The following SMIM31 variants were observed in gnomAD, a reference collection of about 807,000 sequenced individuals.
The protein encoded by SMIM31 is human epithelial cell program regulator.
intron 2 of SMIM31, among the ~76,000 whole-genome samples, chr4:164,772,018 G>A (rs1286424985): frequency 2.6e-5 from 4 of 152,114 alleles, no homozygotes; most frequent in Admixed American, 1.3e-4. Flanking sequence ...TTTTTATCAG[G>A]AGCTATATTA....
intron 1 of SMIM31, among the ~76,000 whole-genome samples, chr4:164,754,879 A>ATTTAT (rs367961887): frequency 0.11 from 16,802 of 150,006 alleles, 1,039 homozygotes; most frequent in African/African-American, 0.16. Flanking sequence ...TTAAATAATT[A>ATTTAT]TTTAAGTTTA....
Position 164,758,656 on chromosome 4 carries a change from C to G in SMIM31, c.-26+4245C>G, listed in dbSNP as rs1229049434. 7.3e-5 allele frequency among the ~76,000 whole-genome samples: 7 copies of G among 95,314 alleles called. No homozygotes were observed. In the Admixed American group the frequency reaches 8.3e-4, roughly 11 times the overall value. 62.5% of individuals were successfully genotyped at this position (95,314 alleles called of 152,430 possible). A position where few individuals can be genotyped will look rare whatever the true frequency, so the allele number is the denominator to read the frequency against. ...TTTTTTTTTTTTTTTTTTTTTGAGA[C>G]GGAGTCTCGCTCTGTCCCCCAGGCT... On this transcript the variant is annotated intron_variant, in intron 1 of 2. Transcript: ENST00000507311.
intron 1 of SMIM31, among the ~76,000 whole-genome samples, chr4:164,760,257 A>G (rs904650857): frequency 2.6e-5 from 4 of 152,224 alleles, no homozygotes; most frequent in African/African-American, 9.6e-5. Flanking sequence ...AGTGTTGACT[A>G]GATAGGCAAT....
intron 1 of SMIM31, among the ~76,000 whole-genome samples, chr4:164,760,978 C>A (rs1732642122): frequency 6.6e-6 from 1 of 152,120 alleles, no homozygotes; most frequent in South Asian, 2.1e-4. Flanking sequence ...TGCATGAGAT[C>A]TTTGTCCAGT....
chr4:164,801,652 T>C lies in SMIM31; in HGVS notation c.*458T>C, dbSNP rs369367855. On this transcript the variant is annotated 3_prime_UTR_variant, in exon 3 of 3. Coordinates refer to ENST00000507311, the MANE Select transcript of SMIM31 (RefSeq NM_001352885.1). ...TGTGTTATTGCTTCCGTATCTGAAA[T>C]AGGTGAAAGAGGGAAAAAACACTAT... is the stretch of plus-strand genomic sequence containing the variant. 4.6e-5 allele frequency: 7 copies of C among 152,470 alleles called. No individual in the cohort carries two copies. In the South Asian group the frequency reaches 6.2e-4, roughly 14 times the overall value. 9.4% of individuals were successfully genotyped at this position (152,470 alleles called of 1,614,324 possible).
chr4:164,790,406 A>G (rs1315410997), intron 2 of SMIM31, among the ~76,000 whole-genome samples: 1 of 152,202 alleles, frequency 6.6e-6, no homozygotes, highest in East Asian at 1.9e-4. Flanking sequence ...TAATAAGGTT[A>G]TCTAATAAAT....
At chr4:164,784,920 A>G (rs538384341) in intron 2 of SMIM31, among the ~76,000 whole-genome samples, 2 of 132,240 alleles carry the variant, frequency 1.5e-5, no homozygotes, top group South Asian at 4.7e-4. Context: ...TAATTCCGTG[A>G]GTTGTAAAAA....
At chr4:164,773,007 CCTTGAAAAAGACA>C in intron 2 of SMIM31, among the ~76,000 whole-genome samples, 1 of 112,204 alleles carries the variant, frequency 8.9e-6, no homozygotes. Context: ...CTTCAGATAA[CCTTGAAAAAGACA>C]CTTGGCTTTA....
chr4:164,783,039 G>A (rs1308431907), intron 2 of SMIM31, among the ~76,000 whole-genome samples: 2 of 151,624 alleles, frequency 1.3e-5, no homozygotes, highest in Non-Finnish European at 2.9e-5. Context: ...CCGACACAGT[G>A]AAACCCCATC....
chr4:164,758,842 GT>G (rs1732607671), intron 1 of SMIM31, among the ~76,000 whole-genome samples: 1 of 39,464 alleles, frequency 2.5e-5, no homozygotes, highest in Non-Finnish European at 4.9e-5. Context: ...TTTTTTTTTT[GT>G]ATTTTTAGTA....
At chr4:164,788,381 C>T (rs755900530) in intron 2 of SMIM31, among the ~76,000 whole-genome samples, 16 of 149,650 alleles carry the variant, frequency 1.1e-4, no homozygotes, top group Admixed American at 6.7e-5. Flanking sequence ...AATCACCAAA[C>T]TTAATGCCCT....
chr4:164,769,340 A>C (rs546415791), intron 1 of SMIM31, among the ~76,000 whole-genome samples: 1 of 152,106 alleles, frequency 6.6e-6, no homozygotes, highest in Non-Finnish European at 1.5e-5. Flanking sequence ...TCTCATCTTG[A>C]CATTAAATTC....
At position 164,801,101 on chromosome 4, in the gene SMIM31, T is replaced by C. The variant is rs574366777; in HGVS notation, c.123T>C (p.His41=). ...TCTTTCTTATTGCAGAGGAAGAACA[T>C]GAAAAAAAGGGAAGGGAAAAGAAAA... ...TPDDSNEEEE[H]EKKGREKKRK... The change falls in exon 3 of 3, where the codon CAT becomes CAC. Residue 41 remains histidine, a synonymous_variant. Coordinates refer to ENST00000507311, the MANE Select transcript of SMIM31 (RefSeq NM_001352885.1). The C allele has an allele frequency of 1.0e-5, 4 of 397,778 alleles. No homozygotes were observed. Among genetic ancestry groups the C allele is most frequent in the South Asian group, 1.3e-4 (1 of 7,830 alleles). The allele number at this position is 397,778 out of a possible 1,614,324, so 24.6% of individuals were successfully genotyped here. A position where few individuals can be genotyped will look rare whatever the true frequency, so the allele number is the denominator to read the frequency against.
At chr4:164,770,344 T>A (rs1471564804) in intron 1 of SMIM31, 75 bp from the exon 2 acceptor site, 1 of 397,214 alleles carries the variant, frequency 2.5e-6, no homozygotes, top group Non-Finnish European at 4.4e-6. Flanking sequence ...CATGTTGAAT[T>A]CTAAAATAAA....
chr4:164,759,352 G>A (rs919715142), intron 1 of SMIM31, among the ~76,000 whole-genome samples: 4 of 152,040 alleles, frequency 2.6e-5, no homozygotes, highest in African/African-American at 9.7e-5. Flanking sequence ...CATGGAAAAG[G>A]AGACTGCTAA....
chr4:164,761,314 T>C (rs1328263884), intron 1 of SMIM31, among the ~76,000 whole-genome samples: 2 of 152,210 alleles, frequency 1.3e-5, no homozygotes, highest in Non-Finnish European at 2.9e-5. Flanking sequence ...CTTGAATTGA[T>C]TTTTATTCTT....
chr4:164,783,774 A>C (rs2110949017), intron 2 of SMIM31, among the ~76,000 whole-genome samples: 1 of 152,306 alleles, frequency 6.6e-6, no homozygotes, highest in Admixed American at 6.5e-5. Context: ...TGAAAAAATA[A>C]ATACATACAC....
chr4:164,775,361 C>T (rs1329569558), intron 2 of SMIM31, among the ~76,000 whole-genome samples: 1 of 152,186 alleles, frequency 6.6e-6, no homozygotes, highest in Non-Finnish European at 1.5e-5. Context: ...TGTTCTTTGT[C>T]TCATGAATGA....
intron 2 of SMIM31, among the ~76,000 whole-genome samples, chr4:164,773,603 A>C (rs1732841531): frequency 2.0e-5 from 3 of 152,174 alleles, no homozygotes; most frequent in South Asian, 4.1e-4. Context: ...AACTGCCCCC[A>C]TGATTCTATT....
Sources: allele counts gnomAD v4.1 joint callset (sites outside exome capture counted in the v4.1 genomes callset), GRCh38; gene constraint gnomAD v4.1.1; transcripts MANE v1.5; gene names NCBI Gene and HGNC (gene_info 2026-07-23, HGNC 2026-07-21).